The following TMTC2 variants were observed in gnomAD, a reference collection of about 807,000 sequenced individuals.
TMTC2 encodes the protein transmembrane O-mannosyltransferase targeting cadherins 2, also known as protein O-mannosyl-transferase TMTC2.
TMTC2 carries 43 observed loss-of-function variants against 82.4 expected under a neutral mutation model. The observed-to-expected ratio is 0.52, with a 90% CI of 0.41 to 0.67. TMTC2 has a LOEUF of 0.67. Ranked by LOEUF, TMTC2 falls within the 30% of genes least tolerant of loss-of-function variation. The pLI is 0.00. For missense variants in TMTC2, 919 were observed against 1,012.4 expected (o/e 0.91, Z 1.25); for synonymous variants, 408 against 381.9 (o/e 1.07, Z -0.80).
At chr12:82,744,981 T>A (rs930214637) in intron 1 of TMTC2, among the ~76,000 whole-genome samples, 1 of 152,124 alleles carries the variant, frequency 6.6e-6, no homozygotes, top group Non-Finnish European at 1.5e-5. Flanking sequence ...TTTTGATGCT[T>A]ATTGGCTTTT....
intron 2 of TMTC2, among the ~76,000 whole-genome samples, chr12:82,884,180 G>A (rs908273828): frequency 5.3e-5 from 8 of 152,150 alleles, no homozygotes; most frequent in African/African-American, 9.7e-5. Flanking sequence ...CCATGGGTAC[G>A]CAAGAAATTG....
At chr12:82,897,045 CCAA>C (rs1470495376) in intron 3 of TMTC2, among the ~76,000 whole-genome samples, 10 of 152,104 alleles carry the variant, frequency 6.6e-5, no homozygotes, top group Non-Finnish European at 1.2e-4. Context: ...CTTCTATTTT[CCAA>C]GCATCGCCTG....
intron 8 of TMTC2, among the ~76,000 whole-genome samples, chr12:83,006,572 A>G (rs781075236): frequency 1.3e-5 from 2 of 152,214 alleles, no homozygotes; most frequent in African/African-American, 2.4e-5. Flanking sequence ...AACTAGAAAT[A>G]CCATTTGACC....
At chr12:83,090,896 G>A (rs932517635) in intron 11 of TMTC2, among the ~76,000 whole-genome samples, 17 of 152,112 alleles carry the variant, frequency 1.1e-4, no homozygotes, top group Non-Finnish European at 1.5e-4. Context: ...GAGATAGCCC[G>A]GGGCCTTAAC....
At chr12:82,761,436 A>G (rs1876626387) in intron 1 of TMTC2, among the ~76,000 whole-genome samples, 1 of 151,958 alleles carries the variant, frequency 6.6e-6, no homozygotes, top group Non-Finnish European at 1.5e-5. Flanking sequence ...CATCAGGGAG[A>G]CTCATACAAT....
intron 1 of TMTC2, among the ~76,000 whole-genome samples, chr12:82,791,079 G>T (rs1878449345): frequency 6.6e-6 from 1 of 151,844 alleles, no homozygotes; most frequent in Non-Finnish European, 1.5e-5. Context: ...TTTCCTTCAT[G>T]GAAACATAGC....
At chr12:82,736,684 T>C (rs1363470823) in intron 1 of TMTC2, among the ~76,000 whole-genome samples, 2 of 152,224 alleles carry the variant, frequency 1.3e-5, no homozygotes, top group African/African-American at 4.8e-5. Context: ...TTTAGTCCCA[T>C]GATTGCTATA....
In TMTC2 at chr12:83,134,626, G is replaced by A. The variant is rs192775934; in HGVS notation, c.*2237G>A. On this transcript the variant is annotated 3_prime_UTR_variant, in exon 12 of 12. Coordinates refer to ENST00000321196, the MANE Select transcript of TMTC2 (RefSeq NM_152588.3). ...CTTCGGGGGGAGGGTTGGGGCAAGG[G>A]GGGGTGGGCGTTAGAACATGATCAA... The A allele has an allele frequency of 2.0e-5, 3 of 149,984 alleles. No homozygotes were observed. The highest frequency in any genetic ancestry group is 6.6e-5 in the Admixed American group (1 of 15,048). 9.3% of individuals were successfully genotyped at this position (149,984 alleles called of 1,614,324 possible). A position where few individuals can be genotyped will look rare whatever the true frequency, so the allele number is the denominator to read the frequency against.
chr12:82,762,627 G>A (rs546633865), intron 1 of TMTC2, among the ~76,000 whole-genome samples: 121 of 152,002 alleles, frequency 8.0e-4, no homozygotes, highest in Non-Finnish European at 1.1e-3. Flanking sequence ...GAATGCAAAC[G>A]GTACCAGTAA....
chr12:83,011,083 C>A (rs769994858), intron 8 of TMTC2, among the ~76,000 whole-genome samples: 1 of 152,204 alleles, frequency 6.6e-6, no homozygotes, highest in Admixed American at 6.5e-5. Context: ...AATCCACCCA[C>A]GTCGGCATCC....
In TMTC2 at chr12:82,898,096, A is replaced by C. The variant is rs77026987; in HGVS notation, c.1483+1450A>C. On this transcript the variant is annotated intron_variant, in intron 3 of 11. Transcript: ENST00000321196. ...AAGGAACTAATTGCTTGTACTTAAC[A>C]CTGTTTAATAAATTGCAGGGATTTT... Among the ~76,000 whole-genome samples the C allele has an allele frequency of 1.0e-2, 1,516 of 152,272 alleles. 85 individuals are homozygous for C. The East Asian group carries it at 0.17, about 18-fold the overall frequency.
chr12:82,894,063 G>A (rs566393445), intron 2 of TMTC2, among the ~76,000 whole-genome samples: 4 of 152,162 alleles, frequency 2.6e-5, no homozygotes, highest in African/African-American at 7.2e-5. Context: ...AACTGGTTAC[G>A]TACTGTTACT....
intron 4 of TMTC2, among the ~76,000 whole-genome samples, chr12:82,937,921 T>TG (rs1876482876): frequency 5.2e-5 from 1 of 19,194 alleles, no homozygotes; most frequent in African/African-American, 9.2e-5. Context: ...TTTTTTTTTT[T>TG]ATTTTTTTTT....
chr12:82,958,105 G>A (rs951460815), intron 4 of TMTC2, among the ~76,000 whole-genome samples: 1 of 152,078 alleles, frequency 6.6e-6, no homozygotes, highest in Non-Finnish European at 1.5e-5. Context: ...GCTCATGCCT[G>A]TAATCTCAAT....
chr12:82,834,195 G>A (rs952394085), intron 1 of TMTC2, among the ~76,000 whole-genome samples: 2 of 152,152 alleles, frequency 1.3e-5, no homozygotes, highest in Non-Finnish European at 2.9e-5. Flanking sequence ...ACATTAATTA[G>A]TAATACAATT....
At chr12:82,732,320 A>G (rs1452782144) in intron 1 of TMTC2, among the ~76,000 whole-genome samples, 3 of 151,890 alleles carry the variant, frequency 2.0e-5, no homozygotes, top group African/African-American at 7.3e-5. Context: ...AGAATAGGAT[A>G]ACCTTTTTGC....
At chr12:82,846,436 A>G (rs948466974) in intron 1 of TMTC2, among the ~76,000 whole-genome samples, 26 of 152,158 alleles carry the variant, frequency 1.7e-4, no homozygotes, top group African/African-American at 6.3e-4. Context: ...CTTCCTCATC[A>G]TCCATGGAAG....
intron 10 of TMTC2, among the ~76,000 whole-genome samples, chr12:83,051,932 C>G (rs1882362591): frequency 6.6e-6 from 1 of 152,040 alleles, no homozygotes. Flanking sequence ...ATGTTTTTAA[C>G]TGGTTTTAAT....
intron 4 of TMTC2, among the ~76,000 whole-genome samples, chr12:82,933,068 T>C (rs1478351592): frequency 6.6e-6 from 1 of 152,206 alleles, no homozygotes; most frequent in Non-Finnish European, 1.5e-5. Flanking sequence ...CCCGTAATTG[T>C]TGGAAATAGG....
Sources: allele counts gnomAD v4.1 joint callset (sites outside exome capture counted in the v4.1 genomes callset), GRCh38; gene constraint gnomAD v4.1.1; transcripts MANE v1.5; gene names NCBI Gene and HGNC (gene_info 2026-07-23, HGNC 2026-07-21).